Variants in PSME2 observed in about 807,000 individuals in gnomAD.
PSME2 encodes proteasome activator subunit 2, also known as proteasome activator complex subunit 2.
PSME2 carries 20 observed loss-of-function variants against 38.8 expected under a neutral mutation model. The observed-to-expected ratio is 0.52, with a 90% CI of 0.36 to 0.75. PSME2 has a LOEUF of 0.75. PSME2 is among the 30% of genes least tolerant of loss of function. The pLI, the probability that PSME2 is intolerant of heterozygous loss-of-function variation, is 0.00. For missense variants in PSME2, 227 were observed against 287.6 expected (o/e 0.79, Z 1.52); for synonymous variants, 82 against 102.5 (o/e 0.80, Z 1.21).
rs1304871067 is a variant in PSME2 at position 24,143,542 on chromosome 14, C to T, written c.639+43G>A. 1 of 1,612,292 alleles carries T rather than the reference C, an allele frequency of 6.2e-7. No individual in the cohort carries two copies. Among genetic ancestry groups the T allele is most frequent in the African/African-American group, 1.3e-5 (1 of 74,968 alleles). ...AGGTTCTTAGCCAATCCCCTGCCTG[C>T]CCCCACTCATCCACCTCCCCTAAAG... On this transcript the variant is annotated intron_variant, in intron 10 of 10. Coordinates refer to ENST00000216802, the MANE Select transcript of PSME2 (RefSeq NM_002818.3). The surrounding 1 kb of genome is among the most constrained non-coding windows in gnomAD (Gnocchi z 4.4).
At chr14:24,144,136 G>C in intron 8 of PSME2, 56 bp downstream of exon 8, 1 of 1,612,414 alleles carries the variant, frequency 6.2e-7, no homozygotes, top group Admixed American at 1.7e-5. Flanking sequence ...CCAGCTCTGG[G>C]GGTCCCAAAG....
intron 6 of PSME2, chr14:24,144,795 A>G (rs1176652811): frequency 7.0e-6 from 4 of 572,782 alleles, no homozygotes. Flanking sequence ...ACTATATCAT[A>G]CCACCTCTAC....
chr14:24,143,611 T>A lies in PSME2; in HGVS notation c.613A>T (p.Met205Leu). The A allele has an allele frequency of 1.2e-6, 2 of 1,614,120 alleles. No homozygotes were observed. The highest frequency in any genetic ancestry group is 2.2e-5 in the South Asian group (2 of 91,076). The change falls in exon 10 of 11, where the codon ATG becomes TTG. Residue 205 changes from methionine to leucine, a missense_variant. Around this residue, in one of 3 missense-constraint regions of PSME2, gnomAD observed 99 missense variants for 113.9 expected, o/e 0.87. Coordinates refer to ENST00000216802, the MANE Select transcript of PSME2 (RefSeq NM_002818.3). The surrounding 1 kb of genome is among the most constrained non-coding windows in gnomAD (Gnocchi z 4.4). The part of the protein sequence containing the change: ...DEAAYGELRA[M>L]VLDLRAFYAE... ...TAGAAGGCCCTCAGGTCCAGCACCA[T>A]GGCCCTGAGCTCCCCATAGGCTGCC...
At position 24,144,399 on chromosome 14, in the gene PSME2, C is replaced by G. The variant is rs146432321; in HGVS notation, c.429+1G>C. On this transcript the variant is annotated splice_donor_variant, in intron 7 of 10. Transcript: ENST00000216802. LOFTEE classifies it high-confidence loss of function. ...AGTATCTTCAGTTACCCTTTTCTTA[C>G]CTGGATTGCTACCCCAAAATCATTT... The G allele has an allele frequency of 6.5e-5, 105 of 1,612,982 alleles. No individual in the cohort carries two copies. The highest frequency in any genetic ancestry group is 8.7e-5 in the Non-Finnish European group (102 of 1,179,030).
intron 2 of PSME2, 183 bp from the exon 3 acceptor site, chr14:24,145,955 A>G (rs2038147139): frequency 4.9e-6 from 4 of 821,290 alleles, no homozygotes; most frequent in Admixed American, 2.0e-5. Context: ...TAGGACTGTG[A>G]TATTCCTGCT....
At chr14:24,144,570 T>C (rs2038122825) in intron 6 of PSME2, 102 bp from the exon 7 acceptor site, 8 of 1,092,214 alleles carry the variant, frequency 7.3e-6, no homozygotes, top group Non-Finnish European at 9.8e-6. Flanking sequence ...GGGTACTTAT[T>C]ACATACCAGG....
chr14:24,144,622 C>T, intron 6 of PSME2, 154 bp from the exon 7 acceptor site: 1 of 733,120 alleles, frequency 1.4e-6, no homozygotes, highest in Non-Finnish European at 2.3e-6. Flanking sequence ...TCACAGCAAC[C>T]TTCAGAGATA....
chr14:24,143,895 CA>C lies in PSME2; in HGVS notation c.552+79del. ...AATATTCTCCACATTGGGAAAGTCACAAACAAGACAAGGAGGACTTCTTCCT... is the reference window on the plus strand; with the variant it reads ...AATATTCTCCACATTGGGAAAGTCACAACAAGACAAGGAGGACTTCTTCCT... On this transcript the variant is annotated intron_variant, in intron 9 of 10. Transcript: ENST00000216802. The surrounding 1 kb of genome is among the most constrained non-coding windows in gnomAD (Gnocchi z 4.4). The C allele has an allele frequency of 6.5e-7, 1 of 1,530,106 alleles. No individual in the cohort carries two copies. The highest frequency in any genetic ancestry group is 1.1e-5 in the South Asian group (1 of 88,980). 94.8% of individuals were successfully genotyped at this position (1,530,106 alleles called of 1,614,324 possible).
At chr14:24,145,498 C>T (rs1264358603) in intron 3 of PSME2, 33 bp from the exon 4 acceptor site, 4 of 1,534,126 alleles carry the variant, frequency 2.6e-6, no homozygotes, top group Non-Finnish European at 3.5e-6. Flanking sequence ...GGCTGCCCAA[C>T]CTCTTCCCTT....
Position 24,145,424 on chromosome 14 carries a change from G to A in PSME2, c.186C>T (p.Ala62=), listed in dbSNP as rs1462085765. The A allele has an allele frequency of 1.9e-6, 3 of 1,561,916 alleles. No homozygotes were observed. The highest frequency in any genetic ancestry group is 3.5e-4 in the Middle Eastern group (2 of 5,780). ...GGTCTGGGATGGGGATGTCCAGTGG[G>A]GCCCGGAGGGAAGTCAAGTCAGCCA... ...LNVADLTSLR[A]PLDIPIPDPP... The change falls in exon 4 of 11, where the codon GCC becomes GCT. Residue 62 remains alanine, a synonymous_variant. Transcript: ENST00000216802.
rs768702744 is a variant in PSME2, at chr14:24,145,442, G to T, written c.168C>A (p.Asp56Glu). The change falls in exon 4 of 11, where the codon GAC becomes GAA. Residue 56 changes from aspartate to glutamate, a missense_variant. Transcript: ENST00000216802. Reference sequence around the variant, plus strand: ...CCAGTGGGGCCCGGAGGGAAGTCAAGTCAGCCACATTGAGGGAGTCCTCCT... The same window carrying T: ...CCAGTGGGGCCCGGAGGGAAGTCAATTCAGCCACATTGAGGGAGTCCTCCT... ...LLQEDSLNVA[D>E]LTSLRAPLDI... is the part of the protein sequence containing the mutation. The T allele has an allele frequency of 2.1e-5, 32 of 1,555,604 alleles. No homozygotes were observed. Among genetic ancestry groups the T allele is most frequent in the Non-Finnish European group, 2.8e-5 (32 of 1,152,952 alleles).
Position 24,143,905 on chromosome 14 carries a change from A to C in PSME2, c.552+70T>G. ...ACATTGGGAAAGTCACAAACAAGAC[A>C]AGGAGGACTTCTTCCTCCACACCTC... On this transcript the variant is annotated intron_variant, in intron 9 of 10. Coordinates refer to ENST00000216802, the MANE Select transcript of PSME2 (RefSeq NM_002818.3). The surrounding 1 kb of genome is among the most constrained non-coding windows in gnomAD (Gnocchi z 4.4). 1 of 1,530,866 alleles carries C rather than the reference A, an allele frequency of 6.5e-7. No individual in the cohort carries two copies. The highest frequency in any genetic ancestry group is 9.0e-7 in the Non-Finnish European group (1 of 1,106,584). 94.8% of individuals were successfully genotyped at this position (1,530,866 alleles called of 1,614,324 possible). A position where few individuals can be genotyped will look rare whatever the true frequency, so the allele number is the denominator to read the frequency against.
intron 3 of PSME2, 77 bp from the exon 4 acceptor site, chr14:24,145,542 C>T: frequency 4.1e-6 from 6 of 1,480,836 alleles, no homozygotes; most frequent in Non-Finnish European, 5.5e-6. Flanking sequence ...CCATACATCC[C>T]ACTTGCACTC....
intron 3 of PSME2, 104 bp downstream of exon 3, chr14:24,145,606 A>G (rs949302535): frequency 3.0e-5 from 45 of 1,481,366 alleles, no homozygotes; most frequent in East Asian, 4.5e-5. Context: ...CTAATCCACT[A>G]TTTGAAACTA....
intron 3 of PSME2, 70 bp from the exon 4 acceptor site, chr14:24,145,535 T>G (rs1335790301): frequency 4.0e-6 from 6 of 1,490,128 alleles, no homozygotes; most frequent in Non-Finnish European, 5.5e-6. Context: ...CTTCCCTCCA[T>G]ACATCCCACT....
At chr14:24,145,034 G>T in intron 6 of PSME2, 24 bp downstream of exon 6, 1 of 1,588,232 alleles carries the variant, frequency 6.3e-7, no homozygotes, top group South Asian at 1.1e-5. Context: ...TTCTCTTTCT[G>T]CTTCCCCCAT....
At chr14:24,144,781 A>C in intron 6 of PSME2, 1 of 566,836 alleles carries the variant, frequency 1.8e-6, no homozygotes. Context: ...AAAACAATTC[A>C]CTCACTATAT....
intron 7 of PSME2, 28 bp from the exon 8 acceptor site, chr14:24,144,287 C>T (rs1237087244): frequency 1.9e-6 from 3 of 1,613,722 alleles, no homozygotes; most frequent in Non-Finnish European, 2.5e-6. Flanking sequence ...GCAAAGACAA[C>T]ACTTCATGTC....
chr14:24,144,647 C>T, intron 6 of PSME2, 179 bp from the exon 7 acceptor site: 1 of 662,964 alleles, frequency 1.5e-6, no homozygotes, highest in African/African-American at 1.8e-5. Context: ...TTTATTGTAC[C>T]CATTTAACAG....
Sources: gnomAD v4.1 joint callset for allele counts on GRCh38, gnomAD v4.1.1 for gene constraint, gnomAD v4.1.1 regional missense constraint, Gnocchi (gnomAD v3.1) non-coding constraint, MANE v1.5 for transcripts, NCBI Gene and HGNC (gene_info 2026-07-23, HGNC 2026-07-21) for gene names.